SLMAP: variants seen among roughly 807,000 people sequenced by gnomAD.
The protein encoded by SLMAP is sarcolemma associated protein.
SLMAP carries 44 observed loss-of-function variants against 128.8 expected under a neutral mutation model. The ratio of observed to expected loss-of-function variants is 0.34; its 90% CI spans 0.27 to 0.44. The LOEUF (loss-of-function observed/expected upper bound fraction) is 0.44. Ranked by LOEUF, SLMAP falls within the 20% of genes least tolerant of loss-of-function variation. The pLI, the probability that SLMAP is intolerant of heterozygous loss-of-function variation, is 1.00. For missense variants in SLMAP, 787 were observed against 985.3 expected, an observed-to-expected ratio of 0.80 and a Z score of 2.69; for synonymous variants, 327 against 348.8, an observed-to-expected ratio of 0.94 and a Z score of 0.70.
chr3:57,824,265 C>G (rs1233694273), intron 2 of SLMAP, among the ~76,000 whole-genome samples: 1 of 152,084 alleles, frequency 6.6e-6, no homozygotes, highest in African/African-American at 2.4e-5. Context: ...TGAACATACC[C>G]TAAGGGACTT....
At chr3:57,762,648 G>T (rs2078911308) in intron 2 of SLMAP, among the ~76,000 whole-genome samples, 1 of 148,434 alleles carries the variant, frequency 6.7e-6, no homozygotes, top group Admixed American at 6.7e-5. Context: ...CTGGCCCTGT[G>T]TATTATCCTT....
At chr3:57,819,711 T>C (rs2092324641) in intron 2 of SLMAP, among the ~76,000 whole-genome samples, 1 of 152,214 alleles carries the variant, frequency 6.6e-6, no homozygotes, top group Non-Finnish European at 1.5e-5. Flanking sequence ...GGGTACTTCC[T>C]TTTGTGGCAA....
At chr3:57,826,224 T>G (rs920018068) in intron 2 of SLMAP, among the ~76,000 whole-genome samples, 2 of 152,190 alleles carry the variant, frequency 1.3e-5, no homozygotes, top group Non-Finnish European at 2.9e-5. Context: ...TGTGATTTAT[T>G]TTGCTCTTTC....
chr3:57,830,541 C>T (rs2093272129), intron 2 of SLMAP, among the ~76,000 whole-genome samples: 1 of 151,964 alleles, frequency 6.6e-6, no homozygotes, highest in South Asian at 2.1e-4. Flanking sequence ...GTGTGTGATC[C>T]CAGTTGTGCT....
At chr3:57,888,409 G>A (rs568596817) in intron 14 of SLMAP, among the ~76,000 whole-genome samples, 1 of 152,240 alleles carries the variant, frequency 6.6e-6, no homozygotes, top group African/African-American at 2.4e-5. Context: ...TGGAGGTCAA[G>A]AGATCAAGAT....
chr3:57,814,365 T>C (rs1438987819), intron 2 of SLMAP, among the ~76,000 whole-genome samples: 2 of 151,928 alleles, frequency 1.3e-5, no homozygotes, highest in African/African-American at 4.8e-5. Flanking sequence ...GGTCTTAAAC[T>C]CCTGGACTCA....
At chr3:57,782,056 G>GTTAGGTAAA (rs1362011850) in intron 2 of SLMAP, among the ~76,000 whole-genome samples, 1 of 152,126 alleles carries the variant, frequency 6.6e-6, no homozygotes, top group African/African-American at 2.4e-5. Context: ...GCATATCTCC[G>GTTAGGTAAA]TTAGGTAAAT....
chr3:57,878,751 G>T (rs996442924), intron 14 of SLMAP, among the ~76,000 whole-genome samples: 2 of 152,298 alleles, frequency 1.3e-5, no homozygotes, highest in East Asian at 3.9e-4. Context: ...ATAATTACCA[G>T]TATGCATGCT....
At chr3:57,806,039 G>GT (rs572902738) in intron 2 of SLMAP, among the ~76,000 whole-genome samples, 1,913 of 144,126 alleles carry the variant, frequency 0.013, 38 homozygotes, top group African/African-American at 0.043. Context: ...TGTTTGTTTT[G>GT]TTTTTTTTTT....
At chr3:57,900,998 C>T (rs999652337) in intron 17 of SLMAP, 1 of 152,260 alleles carries the variant, frequency 6.6e-6, no homozygotes, top group African/African-American at 2.4e-5. Flanking sequence ...CCCTTCATAA[C>T]CTTCCCTGGC....
At chr3:57,844,084 C>T (rs1471262481) in intron 4 of SLMAP, among the ~76,000 whole-genome samples, 2 of 73,288 alleles carry the variant, frequency 2.7e-5, no homozygotes, top group Admixed American at 1.6e-4. Flanking sequence ...CTGGGCCAAC[C>T]ATTTTCTAAT....
intron 15 of SLMAP, 100 bp downstream of exon 15, chr3:57,890,200 C>T (rs2096021942): frequency 6.4e-6 from 7 of 1,093,100 alleles, no homozygotes; most frequent in Non-Finnish European, 9.4e-6. Context: ...CAGTTTACTT[C>T]TTATAGCTCA....
chr3:57,757,819 T>A lies in SLMAP; in HGVS notation c.168T>A (p.Ala56=), dbSNP rs776100888. 1.2e-6 allele frequency: 2 copies of A among 1,614,120 alleles called. No homozygotes were observed. The highest frequency in any genetic ancestry group is 2.2e-5 in the South Asian group (2 of 91,074). Residue 56 remains alanine (A), a synonymous_variant, in exon 2 of 25, where the codon GCT becomes GCA. Transcript: ENST00000671191. ...FDCKVLSRNH[A]LVWFDHKTGK... Reference sequence around the variant, plus strand: ...GCAAAGTGCTATCAAGGAACCACGCTCTCGTCTGGTTTGATCACAAGACGG... The same window carrying A: ...GCAAAGTGCTATCAAGGAACCACGCACTCGTCTGGTTTGATCACAAGACGG...
chr3:57,757,359 C>T lies in SLMAP; in HGVS notation c.-293C>T. On this transcript the variant is annotated 5_prime_UTR_variant, in exon 2 of 25. Coordinates refer to ENST00000671191, the MANE Select transcript of SLMAP (RefSeq NM_001377540.1). Reference sequence around the variant, plus strand: ...CCAGGAGTTTTCTTGGCCGAAGCTGCCCGATGTTTGAGCCTTTTCTTCCCA... The same window carrying T: ...CCAGGAGTTTTCTTGGCCGAAGCTGTCCGATGTTTGAGCCTTTTCTTCCCA... 2.1e-6 allele frequency: 1 copy of T among 470,704 alleles called. No individual in the cohort carries two copies. The highest frequency in any genetic ancestry group is 3.9e-6 in the Non-Finnish European group (1 of 257,158). The allele number at this position is 470,704 out of a possible 1,614,324, so 29.2% of individuals were successfully genotyped here.
intron 6 of SLMAP, among the ~76,000 whole-genome samples, chr3:57,852,012 G>A (rs1167175367): frequency 6.6e-6 from 1 of 152,092 alleles, no homozygotes; most frequent in Non-Finnish European, 1.5e-5. Context: ...CCGGGTTCAA[G>A]CGATTCTCCT....
intron 2 of SLMAP, among the ~76,000 whole-genome samples, chr3:57,799,791 C>T (rs2087750938): frequency 6.6e-6 from 1 of 152,106 alleles, no homozygotes; most frequent in Admixed American, 6.6e-5. Flanking sequence ...ATAGTACAAA[C>T]ATATTCGCGA....
intron 2 of SLMAP, among the ~76,000 whole-genome samples, chr3:57,825,998 A>G (rs891443976): frequency 1.3e-5 from 2 of 152,096 alleles, no homozygotes; most frequent in Non-Finnish European, 2.9e-5. Flanking sequence ...GGGAGCTTGG[A>G]GCTGCCTACT....
chr3:57,758,542 T>TG (rs1402614430), intron 2 of SLMAP, among the ~76,000 whole-genome samples: 6 of 152,232 alleles, frequency 3.9e-5, no homozygotes. Context: ...AATGCATACT[T>TG]ACAGAGGTGC....
At chr3:57,899,516 G>A in intron 17 of SLMAP, 1 of 152,244 alleles carries the variant, frequency 6.6e-6, no homozygotes, top group Admixed American at 6.5e-5. Flanking sequence ...AATACCTGCT[G>A]AAAGATTTTG....
Sources: gnomAD v4.1 joint callset for allele counts (sites outside exome capture counted in the v4.1 genomes callset) on GRCh38, gnomAD v4.1.1 for gene constraint, MANE v1.5 for transcripts, NCBI Gene and HGNC (gene_info 2026-07-23, HGNC 2026-07-21) for gene names.